RTF2: variants seen among roughly 807,000 people sequenced by gnomAD.
RTF2 encodes the protein UPF0549 protein C20orf43.
Under a neutral mutation model 38.0 loss-of-function variants are expected in RTF2, and 18 were observed. That is an observed-to-expected ratio of 0.47 (90% CI 0.33 to 0.70). The LOEUF is 0.70. Ranked by LOEUF, RTF2 falls within the 30% of genes least tolerant of loss-of-function variation. The pLI is 0.02. For missense variants in RTF2, 311 were observed against 379.6 expected, an observed-to-expected ratio of 0.82 and a Z score of 1.50; for synonymous variants, 126 against 137.1, an observed-to-expected ratio of 0.92 and a Z score of 0.57.
At chr20:56,517,837 C>T (rs569998167) in intron 8 of RTF2, among the ~76,000 whole-genome samples, 5 of 152,286 alleles carry the variant, frequency 3.3e-5, no homozygotes, top group Admixed American at 6.5e-5. Flanking sequence ...GGCCCTGCCT[C>T]ATCAGGACAA....
chr20:56,482,200 T>A (rs565870567), intron 4 of RTF2, among the ~76,000 whole-genome samples: 8 of 152,344 alleles, frequency 5.3e-5, no homozygotes, highest in African/African-American at 1.7e-4. Context: ...GTGTGGGAGA[T>A]TGGTTCCAAG....
At chr20:56,486,368 G>T (rs1354769395) in intron 5 of RTF2, among the ~76,000 whole-genome samples, 5 of 152,264 alleles carry the variant, frequency 3.3e-5, no homozygotes, top group Admixed American at 3.3e-4. Flanking sequence ...TAACTGTTAG[G>T]TTGGGCACAG....
At chr20:56,469,417 A>G (rs1227297458) in intron 1 of RTF2, among the ~76,000 whole-genome samples, 1 of 152,270 alleles carries the variant, frequency 6.6e-6, no homozygotes, top group African/African-American at 2.4e-5. Flanking sequence ...CGAGGAAATT[A>G]TAATAATTTC....
At chr20:56,508,381 C>T (rs1245269157) in intron 5 of RTF2, among the ~76,000 whole-genome samples, 1 of 152,146 alleles carries the variant, frequency 6.6e-6, no homozygotes, top group Non-Finnish European at 1.5e-5. Flanking sequence ...TGTTATTGCT[C>T]TGGGCACAGT....
chr20:56,479,302 T>G (rs1982411459), intron 4 of RTF2, among the ~76,000 whole-genome samples: 1 of 151,952 alleles, frequency 6.6e-6, no homozygotes, highest in Non-Finnish European at 1.5e-5. Flanking sequence ...CTCGGCTCAC[T>G]GCAACCCCCA....
At chr20:56,497,507 T>C in intron 5 of RTF2, 1 of 1,473,646 alleles carries the variant, frequency 6.8e-7, no homozygotes, top group Non-Finnish European at 9.1e-7. Flanking sequence ...CAGGTTCTTC[T>C]TCTGATTCTG....
chr20:56,494,787 A>G (rs941758460), intron 5 of RTF2, among the ~76,000 whole-genome samples: 3 of 152,236 alleles, frequency 2.0e-5, no homozygotes, highest in South Asian at 2.1e-4. Flanking sequence ...TAAACAGCTG[A>G]AAAACTGGGT....
chr20:56,475,358 C>T (rs1250676509), intron 3 of RTF2, among the ~76,000 whole-genome samples: 3 of 152,150 alleles, frequency 2.0e-5, no homozygotes, highest in South Asian at 2.1e-4. Flanking sequence ...CCATGGCTAG[C>T]GAAGTACTTA....
At chr20:56,510,543 A>G (rs946757505) in intron 5 of RTF2, among the ~76,000 whole-genome samples, 1 of 152,248 alleles carries the variant, frequency 6.6e-6, no homozygotes, top group African/African-American at 2.4e-5. Context: ...TAGTAAGCTC[A>G]CTGCTCCATT....
intron 5 of RTF2, among the ~76,000 whole-genome samples, chr20:56,499,035 G>GT (rs1417377512): frequency 2.0e-5 from 3 of 152,104 alleles, no homozygotes; most frequent in African/African-American, 4.8e-5. Context: ...TCATCGTACA[G>GT]TTTATTTCTA....
intron 3 of RTF2, among the ~76,000 whole-genome samples, chr20:56,476,090 A>G (rs375375326): frequency 6.6e-6 from 1 of 152,342 alleles, no homozygotes; most frequent in South Asian, 2.1e-4. Context: ...CTCGAATGCA[A>G]AAGTAGAGTT....
chr20:56,513,277 G>A, intron 5 of RTF2, 38 bp from the exon 6 acceptor site: 2 of 1,561,510 alleles, frequency 1.3e-6, no homozygotes, highest in Non-Finnish European at 1.7e-6. Context: ...CCCATTGACT[G>A]GTGATGGAAT....
chr20:56,512,224 A>G (rs1984720944), intron 5 of RTF2, among the ~76,000 whole-genome samples: 1 of 152,166 alleles, frequency 6.6e-6, no homozygotes, highest in African/African-American at 2.4e-5. Context: ...GCCTAGACAG[A>G]TGGTGGCAGA....
intron 5 of RTF2, among the ~76,000 whole-genome samples, chr20:56,510,289 G>A (rs191344374): frequency 1.1e-3 from 168 of 152,336 alleles, no homozygotes; most frequent in African/African-American, 3.3e-3. Flanking sequence ...GCAAATGCAC[G>A]TGGTGCTGAA....
intron 5 of RTF2, among the ~76,000 whole-genome samples, chr20:56,505,709 G>T (rs187795511): frequency 6.6e-6 from 1 of 152,100 alleles, no homozygotes; most frequent in East Asian, 1.9e-4. Flanking sequence ...CACATTAAAC[G>T]TTACACTTCC....
chr20:56,473,129 TCAAAAA>T (rs1982056785), intron 1 of RTF2, among the ~76,000 whole-genome samples, 166 bp from the exon 2 acceptor site: 1 of 152,118 alleles, frequency 6.6e-6, no homozygotes, highest in African/African-American at 2.4e-5. Context: ...AGACCCCGTC[TCAAAAA>T]CAAACAAACA....
At position 56,484,100 on chromosome 20, in the gene RTF2, T is replaced by C. The variant is rs1251381381; in HGVS notation, c.399-11T>C. On this transcript the variant is annotated splice_polypyrimidine_tract_variant and intron_variant, in intron 4 of 8. Transcript: ENST00000357348. ...TAATACAGTCCTTCCCCCACTGGGT[T>C]ATTTCTCCAGGTTCTGCTTCCTTCG... 4.3e-6 allele frequency: 7 copies of C among 1,613,728 alleles called. No individual in the cohort carries two copies. The South Asian group carries it at 6.6e-5, about 15-fold the overall frequency.
chr20:56,489,553 AG>A (rs1429223631), intron 5 of RTF2, among the ~76,000 whole-genome samples: 2 of 152,164 alleles, frequency 1.3e-5, no homozygotes, highest in Non-Finnish European at 2.9e-5. Context: ...GTGTGGTCCC[AG>A]GAACATCCCA....
Position 56,473,252 on chromosome 20 carries a change from A to G in RTF2, c.70-49A>G, listed in dbSNP as rs749115796. 9 of 1,295,834 alleles carry G rather than the reference A, an allele frequency of 6.9e-6. No individual in the cohort carries two copies. In the South Asian group the frequency reaches 9.5e-5, roughly 14 times the overall value. The allele number at this position is 1,295,834 out of a possible 1,614,324, so 80.3% of individuals were successfully genotyped here. A position where few individuals can be genotyped will look rare whatever the true frequency, so the allele number is the denominator to read the frequency against. ...ACTTTTATATGTAGAATTGTGAACC[A>G]TGTGTCTTTCAGAGTTGAAAATTAA... On this transcript the variant is annotated intron_variant, in intron 1 of 8. Transcript: ENST00000357348.
Sources: gnomAD v4.1 joint callset for allele counts (sites outside exome capture counted in the v4.1 genomes callset) on GRCh38, gnomAD v4.1.1 for gene constraint, MANE v1.5 for transcripts, NCBI Gene and HGNC (gene_info 2026-07-23, HGNC 2026-07-21) for gene names.